ME1: variants seen among roughly 807,000 people sequenced by gnomAD.
ME1 encodes NADP-dependent malic enzyme.
ME1 carries 74 observed loss-of-function variants against 66.4 expected under a neutral mutation model. That is an observed-to-expected ratio of 1.11 (90% CI 0.92 to 1.35). ME1 has a LOEUF of 1.35. ME1 is among the 40% of genes most tolerant of loss of function. The pLI, the probability that ME1 is intolerant of heterozygous loss-of-function variation, is 0.00. For missense variants in ME1, 750 were observed against 694.1 expected, an observed-to-expected ratio of 1.08 and a Z score of -0.90; for synonymous variants, 251 against 235.6, an observed-to-expected ratio of 1.07 and a Z score of -0.60.
rs576075956 is a variant in ME1, at chr6:83,239,604, C to A, written c.847G>T (p.Ala283Ser). 6.2e-7 allele frequency: 1 copy of A among 1,613,394 alleles called. No homozygotes were observed. Among genetic ancestry groups the A allele is most frequent in the East Asian group, 2.2e-5 (1 of 44,850 alleles). The change falls in exon 8 of 14, where the codon GCA becomes TCA. Residue 283 changes from alanine (A) to serine (S), a missense_variant. Ala to Ser is a moderately conservative substitution (Grantham distance 99, BLOSUM62 1). Transcript: ENST00000369705. ...TTGTTCTTGGTTATTCGAAGAGCTGCAAGGAGACCTGCAACTGCAACAGAT... is the reference window on the plus strand; with the variant it reads ...TTGTTCTTGGTTATTCGAAGAGCTGAAAGGAGACCTGCAACTGCAACAGAT... ...TASVAVAGLL[A>S]ALRITKNKLS...
intron 12 of ME1, among the ~76,000 whole-genome samples, chr6:83,221,799 A>C (rs928118689): frequency 2.0e-5 from 3 of 152,292 alleles, no homozygotes; most frequent in African/African-American, 4.8e-5. Flanking sequence ...TAGAAAAAAA[A>C]CTCTTACTTA....
intron 3 of ME1, among the ~76,000 whole-genome samples, chr6:83,387,200 G>C (rs995078061): frequency 6.6e-6 from 1 of 151,858 alleles, no homozygotes; most frequent in Non-Finnish European, 1.5e-5. Flanking sequence ...AATTAAAATA[G>C]ATACATGAAA....
chr6:83,268,490 G>C (rs1418796002), intron 6 of ME1, among the ~76,000 whole-genome samples: 2 of 151,950 alleles, frequency 1.3e-5, no homozygotes. Context: ...ATTCCCAAAA[G>C]TTCTCTTGTG....
intron 3 of ME1, among the ~76,000 whole-genome samples, chr6:83,389,866 T>C (rs1346985483): frequency 1.3e-5 from 2 of 152,166 alleles, no homozygotes; most frequent in Admixed American, 6.5e-5. Context: ...CATAAGCAGA[T>C]TGCACTACCA....
At chr6:83,246,259 G>A (rs970414576) in intron 7 of ME1, among the ~76,000 whole-genome samples, 4 of 152,108 alleles carry the variant, frequency 2.6e-5, no homozygotes, top group Admixed American at 2.6e-4. Flanking sequence ...ATTGTGCCAT[G>A]TTTGATCTTT....
intron 11 of ME1, among the ~76,000 whole-genome samples, chr6:83,225,447 G>A (rs1790177595): frequency 1.3e-5 from 2 of 152,052 alleles, no homozygotes; most frequent in South Asian, 4.2e-4. Flanking sequence ...GACAGAATGG[G>A]TTTTAACTTT....
intron 5 of ME1, among the ~76,000 whole-genome samples, chr6:83,331,327 C>A (rs562306225): frequency 1.3e-5 from 2 of 152,082 alleles, no homozygotes; most frequent in Admixed American, 6.6e-5. Context: ...CGGTGGCTCA[C>A]GTCTGTAATC....
intron 3 of ME1, among the ~76,000 whole-genome samples, chr6:83,371,252 C>T (rs1381456191): frequency 2.0e-5 from 3 of 152,172 alleles, no homozygotes; most frequent in African/African-American, 7.2e-5. Flanking sequence ...TTTCAAACTG[C>T]TACTAAAGTA....
chr6:83,388,180 C>T (rs1769551159), intron 3 of ME1, among the ~76,000 whole-genome samples: 2 of 150,522 alleles, frequency 1.3e-5, no homozygotes, highest in South Asian at 4.2e-4. Flanking sequence ...CTCAACATCC[C>T]AGGCTCAAGC....
intron 3 of ME1, among the ~76,000 whole-genome samples, chr6:83,394,168 G>GA (rs201971260): frequency 1.3e-5 from 2 of 151,496 alleles, no homozygotes; most frequent in Non-Finnish European, 2.9e-5. Context: ...TTTCTTCAAT[G>GA]AAAAAAAATT....
rs1770162672 is a variant in ME1, at chr6:83,416,519, ACTTGGACAT to A, written c.79-8627_79-8619del. Among the ~76,000 whole-genome samples, 3 of 152,204 alleles carry A rather than the reference ACTTGGACAT, an allele frequency of 2.0e-5. No individual in the cohort carries two copies. The South Asian group carries it at 6.2e-4, about 31-fold the overall frequency. ...TGGATGAGTAATTAAGGAGGCCTGA[ACTTGGACAT>A]CTTTTTCACAAACTCTATGAGATTT... On this transcript the variant is annotated intron_variant, in intron 1 of 13. Coordinates refer to ENST00000369705, the MANE Select transcript of ME1 (RefSeq NM_002395.6).
At chr6:83,317,614 G>A (rs1431652718) in intron 5 of ME1, among the ~76,000 whole-genome samples, 1 of 151,746 alleles carries the variant, frequency 6.6e-6, no homozygotes, top group Non-Finnish European at 1.5e-5. Context: ...CTGCAAACAG[G>A]GACAATTTGA....
At chr6:83,220,926 C>T (rs1205203932) in intron 12 of ME1, among the ~76,000 whole-genome samples, 5 of 152,010 alleles carry the variant, frequency 3.3e-5, no homozygotes, top group Admixed American at 6.6e-5. Context: ...TTTGGGAGGC[C>T]GAGTCAGGCT....
chr6:83,407,827 C>T lies in ME1; in HGVS notation c.153G>A (p.Gln51=), dbSNP rs1285293616. ...HGLLPPSFNS[Q]EIQVLRVVKN... ...TTACTACTCTAAGAACCTGGATCTC[C>T]TGACTGTTGAAGGAAGGTGGCAACA... is the stretch of plus-strand genomic sequence containing the variant. The change falls in exon 2 of 14, where the codon CAG becomes CAA. Residue 51 remains glutamine (Q), a synonymous_variant. Transcript: ENST00000369705. 6.2e-7 allele frequency: 1 copy of T among 1,613,294 alleles called. No individual in the cohort carries two copies. The highest frequency in any genetic ancestry group is 1.1e-5 in the South Asian group (1 of 90,876).
At chr6:83,363,423 GTATTCATGGAA>G (rs1193095501) in intron 3 of ME1, among the ~76,000 whole-genome samples, 1 of 152,204 alleles carries the variant, frequency 6.6e-6, no homozygotes, top group African/African-American at 2.4e-5. Context: ...GTAAGGAAGA[GTATTCATGGAA>G]TACAAGAGAT....
Position 83,218,599 on chromosome 6 carries a change from A to G in ME1, c.1450-2003T>C, listed in dbSNP as rs111929588. On this transcript the variant is annotated intron_variant, in intron 12 of 13. Transcript: ENST00000369705. ...GGCCTCTGCATCCCTGGGGACCTGAAGAAGTGTAAGGAAGCTAGGCTGAAG... is the reference window on the plus strand; with the variant it reads ...GGCCTCTGCATCCCTGGGGACCTGAGGAAGTGTAAGGAAGCTAGGCTGAAG... 9.7e-4 allele frequency among the ~76,000 whole-genome samples: 148 copies of G among 152,334 alleles called. 1 individual carries two copies. The highest frequency in any genetic ancestry group is 3.5e-3 in the African/African-American group (145 of 41,580).
chr6:83,354,424 A>C (rs115323519), intron 3 of ME1, among the ~76,000 whole-genome samples: 4,181 of 152,252 alleles, frequency 0.027, 198 homozygotes, highest in African/African-American at 0.092. Flanking sequence ...GAGCTACGGC[A>C]CTTGGCCTCT....
intron 3 of ME1, among the ~76,000 whole-genome samples, chr6:83,363,819 G>A (rs771634240): frequency 1.3e-5 from 2 of 152,092 alleles, no homozygotes; most frequent in Admixed American, 6.6e-5. Flanking sequence ...GATTAACTGC[G>A]CATCAGCATT....
At chr6:83,230,584 A>C (rs149725929) in intron 9 of ME1, among the ~76,000 whole-genome samples, 100 of 152,282 alleles carry the variant, frequency 6.6e-4, no homozygotes, top group African/African-American at 2.4e-3. Context: ...TTTGTGAAGA[A>C]GAAAAAAATC....
Sources: gnomAD v4.1 joint callset for allele counts (sites outside exome capture counted in the v4.1 genomes callset) on GRCh38, gnomAD v4.1.1 for gene constraint, MANE v1.5 for transcripts, NCBI Gene and HGNC (gene_info 2026-07-23, HGNC 2026-07-21) for gene names.